FBXL17: variants seen among roughly 807,000 people sequenced by gnomAD.
The protein encoded by FBXL17 is F-box/LRR-repeat protein 17.
In FBXL17, 22 loss-of-function variants were observed where a neutral mutation model predicts 66.2. That is an observed-to-expected ratio of 0.33 (90% confidence interval 0.24 to 0.47). FBXL17 has a LOEUF of 0.47. Among genes scored for constraint, FBXL17 ranks in the 20% least tolerant of loss-of-function variants. The pLI is 1.00. For synonymous variants in FBXL17, 474 were observed against 400.5 expected, an observed-to-expected ratio of 1.18 and a Z score of -2.19; for missense variants, 878 against 948.2, an observed-to-expected ratio of 0.93 and a Z score of 0.97.
At chr5:107,976,177 A>C (rs4957733) in intron 7 of FBXL17, among the ~76,000 whole-genome samples, 86,500 of 152,020 alleles carry the variant, frequency 0.57, 24,735 homozygotes, top group East Asian at 0.62. Context: ...TCTTATGTCT[A>C]CTGGTTATAA....
chr5:107,946,455 A>AATTATT (rs143145847), intron 7 of FBXL17, among the ~76,000 whole-genome samples: 1,632 of 140,282 alleles, frequency 0.012, 14 homozygotes, highest in Non-Finnish European at 0.019. Flanking sequence ...CACACCTGCC[A>AATTATT]ATTATTATTA....
At position 108,021,652 on chromosome 5, in the gene FBXL17, AT is replaced by A. The variant is rs527617132; in HGVS notation, c.1746-652del. Among the ~76,000 whole-genome samples the A allele has an allele frequency of 5.6e-3, 839 of 149,660 alleles. 6 individuals carry two copies. The highest frequency in any genetic ancestry group is 0.02 in the African/African-American group (803 of 41,042). On this transcript the variant is annotated intron_variant, in intron 6 of 8. Transcript: ENST00000542267. The stretch of plus-strand genomic sequence containing the variant: ...TCTTTTCTGGTTTCATTTAAGTTTC[AT>A]TTTTTTTTAATGGTGCACTCTGCTC...
rs140769664 is a variant in FBXL17 at position 108,126,631 on chromosome 5, G to GTCTCTCTCTCTCTCTCTCTCTCTC, written c.1745+59485_1745+59486insGAGAGAGAGAGAGAGAGAGAGAGA. ...TATAAGATTATCTCTCTGTCTCTCT[G>GTCTCTCTCTCTCTCTCTCTCTCTC]TCTCTCTCTCTCTCTCTCTCTATAT... On this transcript the variant is annotated intron_variant, in intron 6 of 8. Coordinates refer to ENST00000542267, the MANE Select transcript of FBXL17 (RefSeq NM_001163315.3). Among the ~76,000 whole-genome samples the GTCTCTCTCTCTCTCTCTCTCTCTC allele has an allele frequency of 4.5e-3, 507 of 111,776 alleles. 7 individuals are homozygous for GTCTCTCTCTCTCTCTCTCTCTCTC. Among genetic ancestry groups the GTCTCTCTCTCTCTCTCTCTCTCTC allele is most frequent in the Non-Finnish European group, 6.1e-3 (326 of 53,016 alleles). The allele number at this position is 111,776 out of a possible 152,430, so 73.3% of individuals were successfully genotyped here.
At chr5:108,262,842 C>G (rs772617891) in intron 4 of FBXL17, among the ~76,000 whole-genome samples, 1 of 152,080 alleles carries the variant, frequency 6.6e-6, no homozygotes, top group Non-Finnish European at 1.5e-5. Context: ...ATGACTAGCT[C>G]AATTAATAGA....
Position 108,287,298 on chromosome 5 carries a change from G to T in FBXL17, c.1506+61101C>A, listed in dbSNP as rs146336337. ...CCTCATTAAAGAGCTTCTAAACACA[G>T]CAAAAGAAACTACTGACAGAGTAAA... On this transcript the variant is annotated intron_variant, in intron 4 of 8. Coordinates refer to ENST00000542267, the MANE Select transcript of FBXL17 (RefSeq NM_001163315.3). 1.6e-4 allele frequency among the ~76,000 whole-genome samples: 25 copies of T among 152,034 alleles called. No individual in the cohort carries two copies. In the East Asian group the frequency reaches 4.6e-3, roughly 28 times the overall value.
At chr5:108,203,689 C>T (rs1275277781) in intron 5 of FBXL17, among the ~76,000 whole-genome samples, 1 of 152,104 alleles carries the variant, frequency 6.6e-6, no homozygotes, top group Non-Finnish European at 1.5e-5. Flanking sequence ...GACAAAGCAG[C>T]AATATTACCA....
intron 4 of FBXL17, among the ~76,000 whole-genome samples, chr5:108,241,047 A>G (rs1755833646): frequency 6.6e-6 from 1 of 152,204 alleles, no homozygotes; most frequent in African/African-American, 2.4e-5. Flanking sequence ...AACAAGCCCA[A>G]ACTGCAAAGA....
At chr5:107,889,017 G>A (rs927532122) in intron 7 of FBXL17, among the ~76,000 whole-genome samples, 1 of 150,666 alleles carries the variant, frequency 6.6e-6, no homozygotes, top group African/African-American at 2.4e-5. Context: ...TGTCTCTCTT[G>A]GATTACAGCT....
intron 7 of FBXL17, among the ~76,000 whole-genome samples, chr5:107,971,979 A>T (rs910193209): frequency 6.6e-6 from 1 of 152,190 alleles, no homozygotes; most frequent in African/African-American, 2.4e-5. Flanking sequence ...TATTATACTC[A>T]TTCACTAGAT....
intron 6 of FBXL17, among the ~76,000 whole-genome samples, chr5:108,179,205 T>C (rs1752906950): frequency 6.6e-6 from 1 of 152,220 alleles, no homozygotes; most frequent in Non-Finnish European, 1.5e-5. Context: ...AAATCCTCTC[T>C]GAACTTTATT....
chr5:108,337,728 AAGAC>A (rs912558296), intron 4 of FBXL17, among the ~76,000 whole-genome samples: 36 of 151,478 alleles, frequency 2.4e-4, no homozygotes, highest in African/African-American at 7.7e-4. Flanking sequence ...AAAAAGTAAT[AAGAC>A]AGAGACTAGT....
intron 4 of FBXL17, chr5:108,299,581 C>A (rs1370024413): frequency 3.1e-6 from 3 of 971,654 alleles, no homozygotes; most frequent in Non-Finnish European, 3.7e-6. Flanking sequence ...AGCTCCCTGG[C>A]GTTTTACTTT....
intron 6 of FBXL17, among the ~76,000 whole-genome samples, chr5:108,116,663 AT>A (rs1750267980): frequency 1.3e-5 from 2 of 151,734 alleles, no homozygotes; most frequent in South Asian, 4.2e-4. Flanking sequence ...AATAATAATA[AT>A]AAAAAAATAA....
At chr5:107,873,330 T>C (rs1179360143) in intron 8 of FBXL17, among the ~76,000 whole-genome samples, 1 of 152,236 alleles carries the variant, frequency 6.6e-6, no homozygotes, top group African/African-American at 2.4e-5. Flanking sequence ...AGGGAGTATA[T>C]CTTGTTCACT....
intron 7 of FBXL17, among the ~76,000 whole-genome samples, chr5:107,953,785 G>A (rs544307791): frequency 2.0e-4 from 30 of 152,210 alleles, no homozygotes; most frequent in Admixed American, 1.4e-3. Context: ...TTGGTATAGC[G>A]AGTACATTGA....
At chr5:108,279,077 T>C (rs1430338451) in intron 4 of FBXL17, among the ~76,000 whole-genome samples, 8 of 152,138 alleles carry the variant, frequency 5.3e-5, no homozygotes, top group Non-Finnish European at 7.4e-5. Context: ...TTTCAACCAC[T>C]GCCAACACAA....
chr5:108,174,034 T>C (rs949892512), intron 6 of FBXL17, among the ~76,000 whole-genome samples: 3 of 152,174 alleles, frequency 2.0e-5, no homozygotes, highest in Admixed American at 1.3e-4. Flanking sequence ...AAGCCAAACA[T>C]ACATTCAACT....
chr5:108,046,252 G>A (rs1747249808), intron 6 of FBXL17, among the ~76,000 whole-genome samples: 1 of 152,076 alleles, frequency 6.6e-6, no homozygotes, highest in South Asian at 2.1e-4. Flanking sequence ...TTTATCTGAT[G>A]TTAATGTAGC....
chr5:108,106,545 A>G (rs1749803802), intron 6 of FBXL17, among the ~76,000 whole-genome samples: 1 of 152,384 alleles, frequency 6.6e-6, no homozygotes, highest in African/African-American at 2.4e-5. Flanking sequence ...GTACAATGGA[A>G]TATTATTTGG....
Sources: gnomAD v4.1 joint callset for allele counts (sites outside exome capture counted in the v4.1 genomes callset) on GRCh38, gnomAD v4.1.1 for gene constraint, MANE v1.5 for transcripts, NCBI Gene and HGNC (gene_info 2026-07-23, HGNC 2026-07-21) for gene names.